Variants in SHOC1 observed in about 807,000 individuals in gnomAD.
SHOC1 encodes protein shortage in chiasmata 1 ortholog.
SHOC1 carries 136 observed loss-of-function variants against 179.2 expected under a neutral mutation model. The ratio of observed to expected loss-of-function variants is 0.76; its 90% CI spans 0.66 to 0.87. The LOEUF (loss-of-function observed/expected upper bound fraction) is 0.87. Ranked by LOEUF, SHOC1 falls within the 40% of genes least tolerant of loss-of-function variation. The pLI, the probability that SHOC1 is intolerant of heterozygous loss-of-function variation, is 0.00. For missense variants in SHOC1, 1,538 were observed against 1,700.8 expected, an observed-to-expected ratio of 0.90 and a Z score of 1.68; for synonymous variants, 489 against 586.6, an observed-to-expected ratio of 0.83 and a Z score of 2.41.
At chr9:111,739,410 C>T (rs1047922903) in intron 11 of SHOC1, among the ~76,000 whole-genome samples, 5 of 152,092 alleles carry the variant, frequency 3.3e-5, no homozygotes, top group African/African-American at 1.2e-4. Flanking sequence ...AGGTAATGAA[C>T]ATATCCATTC....
chr9:111,746,359 T>C lies in SHOC1; in HGVS notation c.971-17A>G. The C allele has an allele frequency of 6.6e-7, 1 of 1,506,424 alleles. No homozygotes were observed. The highest frequency in any genetic ancestry group is 9.2e-7 in the Non-Finnish European group (1 of 1,083,572). 93.3% of individuals were successfully genotyped at this position (1,506,424 alleles called of 1,614,324 possible). ...CTAACTCTCCTGGAATATATGAAAA[T>C]TAAAGTTATGTAAACATTGAATAAT... is the stretch of plus-strand genomic sequence containing the variant. On this transcript the variant is annotated splice_polypyrimidine_tract_variant and intron_variant, in intron 9 of 27. Coordinates refer to ENST00000682961, the MANE Select transcript of SHOC1 (RefSeq NM_001378211.1).
chr9:111,788,695 G>A (rs1338464638), intron 2 of SHOC1, among the ~76,000 whole-genome samples: 1 of 152,112 alleles, frequency 6.6e-6, no homozygotes, highest in East Asian at 1.9e-4. Context: ...GTATAATGTG[G>A]ATGCTTAACT....
intron 9 of SHOC1, among the ~76,000 whole-genome samples, chr9:111,746,974 T>C (rs1319977966): frequency 2.0e-5 from 3 of 152,116 alleles, no homozygotes; most frequent in Non-Finnish European, 4.4e-5. Context: ...GTGTTGTCAG[T>C]ACTTAGGCAA....
intron 5 of SHOC1, among the ~76,000 whole-genome samples, chr9:111,766,628 T>A (rs1454483457): frequency 6.6e-6 from 1 of 152,160 alleles, no homozygotes; most frequent in South Asian, 2.1e-4. Context: ...TTTTTGTTTT[T>A]GAAATGGAGT....
At position 111,692,352 on chromosome 9, in the gene SHOC1, A is replaced by G; in HGVS notation, c.3625T>C (p.Tyr1209His). The G allele has an allele frequency of 6.2e-7, 1 of 1,611,652 alleles. No homozygotes were observed. The highest frequency in any genetic ancestry group is 8.5e-7 in the Non-Finnish European group (1 of 1,177,936). Residue 1209 changes from tyrosine (Y) to histidine (H), a missense_variant, in exon 27 of 28, where the codon TAT becomes CAT. By Grantham distance (83) the Tyr-to-His change is moderately conservative. Coordinates refer to ENST00000682961, the MANE Select transcript of SHOC1 (RefSeq NM_001378211.1). ...LDSVIQEHNE[Y>H]YQYLGLGETV... is the part of the protein sequence containing the mutation. The stretch of plus-strand genomic sequence containing the variant: ...TCTCCTAATCCTAAATACTGATAAT[A>G]TTCATTATGTTCTTGAATGACAGAG...
At chr9:111,788,576 T>C (rs1186608762) in intron 2 of SHOC1, among the ~76,000 whole-genome samples, 1 of 152,230 alleles carries the variant, frequency 6.6e-6, no homozygotes, top group Non-Finnish European at 1.5e-5. Flanking sequence ...TGTATTTTCC[T>C]ACAGATATTT....
chr9:111,702,672 G>A (rs1429961407), intron 22 of SHOC1, among the ~76,000 whole-genome samples: 2 of 152,240 alleles, frequency 1.3e-5, no homozygotes, highest in East Asian at 3.8e-4. Flanking sequence ...CAGAGGAGAT[G>A]AGAAAGCAGC....
chr9:111,779,266 C>T (rs823641), intron 4 of SHOC1, among the ~76,000 whole-genome samples: 122,523 of 152,124 alleles, frequency 0.81, 49,520 homozygotes, highest in East Asian at 0.92. Context: ...GGCAAATCAA[C>T]AGACAGAAAG....
intron 5 of SHOC1, among the ~76,000 whole-genome samples, chr9:111,772,288 T>A (rs1835644470): frequency 6.6e-6 from 1 of 152,198 alleles, no homozygotes; most frequent in East Asian, 1.9e-4. Context: ...ATTCTCTTTG[T>A]TAAATTTCTC....
intron 3 of SHOC1, among the ~76,000 whole-genome samples, chr9:111,781,552 A>G (rs1030382747): frequency 6.6e-6 from 1 of 152,014 alleles, no homozygotes; most frequent in Non-Finnish European, 1.5e-5. Flanking sequence ...GCAAAACCCC[A>G]TCTCTACTAA....
chr9:111,691,441 AAGTTTTTT>A, intron 27 of SHOC1, 102 bp downstream of exon 27: 1 of 933,128 alleles, frequency 1.1e-6, no homozygotes. Flanking sequence ...GTTATTAGAG[AAGTTTTTT>A]AAATGTAGTA....
chr9:111,787,200 G>C (rs546779911), intron 2 of SHOC1, among the ~76,000 whole-genome samples: 1 of 152,308 alleles, frequency 6.6e-6, no homozygotes, highest in South Asian at 2.1e-4. Context: ...TATGTATTCT[G>C]CAGCCTATGG....
intron 27 of SHOC1, among the ~76,000 whole-genome samples, chr9:111,689,949 A>G (rs1181443960): frequency 6.6e-6 from 1 of 152,208 alleles, no homozygotes; most frequent in Non-Finnish European, 1.5e-5. Flanking sequence ...AAGAACATAT[A>G]GTAATTCACA....
intron 5 of SHOC1, among the ~76,000 whole-genome samples, chr9:111,761,004 CAAT>C (rs1178624409): frequency 6.6e-6 from 1 of 151,386 alleles, no homozygotes; most frequent in African/African-American, 2.4e-5. Context: ...GATACTGACA[CAAT>C]AATAGGCAAA....
At chr9:111,687,690 C>T (rs6477842) in intron 27 of SHOC1, among the ~76,000 whole-genome samples, 68,075 of 151,718 alleles carry the variant, frequency 0.45, 15,669 homozygotes, top group East Asian at 0.61. Flanking sequence ...GCCTGGTTTC[C>T]GTGTACCTTG....
At position 111,722,496 on chromosome 9, in the gene SHOC1, T is replaced by C. The variant is rs761399171; in HGVS notation, c.2044A>G (p.Asn682Asp). The C allele has an allele frequency of 4.3e-6, 7 of 1,612,988 alleles. No individual in the cohort carries two copies. The Admixed American group carries it at 1.2e-4, about 27-fold the overall frequency. ...AAAATAACAGTGGCAAATTTCCAAT[T>C]AGCAGTAGGGAGGGTACACAAGGAT... is the stretch of plus-strand genomic sequence containing the variant. ...LVSLCTLPTA[N>D]WKFATVIFDQ... is the part of the protein sequence containing the mutation. Residue 682 changes from asparagine (N) to aspartate (D), a missense_variant, in exon 15 of 28, where the codon AAT becomes GAT. Physicochemically the swap from Asn to Asp is conservative, Grantham distance 23. Coordinates refer to ENST00000682961, the MANE Select transcript of SHOC1 (RefSeq NM_001378211.1).
At position 111,730,489 on chromosome 9, in the gene SHOC1, ATCT is replaced by A. The variant is rs546915227; in HGVS notation, c.1418-2443_1418-2441del. 3.9e-5 allele frequency among the ~76,000 whole-genome samples: 6 copies of A among 152,348 alleles called. No individual in the cohort carries two copies. The East Asian group carries it at 7.7e-4, about 20-fold the overall frequency. On this transcript the variant is annotated intron_variant, in intron 12 of 27. Coordinates refer to ENST00000682961, the MANE Select transcript of SHOC1 (RefSeq NM_001378211.1). ...GTTAGCAGACATGAAAACAACATTAATCTTCTTGTATATCTCCATCAGAGCTCT... is the reference window on the plus strand; with the variant it reads ...GTTAGCAGACATGAAAACAACATTAATCTTGTATATCTCCATCAGAGCTCT...
At chr9:111,711,718 C>T (rs28751954) in intron 18 of SHOC1, among the ~76,000 whole-genome samples, 1 of 151,968 alleles carries the variant, frequency 6.6e-6, no homozygotes, top group Non-Finnish European at 1.5e-5. Flanking sequence ...TTTGTATAGT[C>T]ATTCAGAAAA....
chr9:111,703,059 A>G (rs1832057360), intron 22 of SHOC1, among the ~76,000 whole-genome samples: 5 of 152,164 alleles, frequency 3.3e-5, no homozygotes, highest in Admixed American at 3.3e-4. Flanking sequence ...GCAGTGAGCT[A>G]TGATCGTGTC....
Sources: allele counts gnomAD v4.1 joint callset (sites outside exome capture counted in the v4.1 genomes callset), GRCh38; gene constraint gnomAD v4.1.1; transcripts MANE v1.5; gene names NCBI Gene and HGNC (gene_info 2026-07-23, HGNC 2026-07-21).